Variants in TENM4 observed in about 807,000 individuals in gnomAD.
TENM4 encodes teneurin-4.
In TENM4, 82 loss-of-function variants were observed where a neutral mutation model predicts 243.3. The observed-to-expected ratio is 0.34, with a 90% CI of 0.28 to 0.40. The LOEUF is 0.40. Ranked by LOEUF, TENM4 falls within the 10% of genes least tolerant of loss-of-function variation. TENM4 has a pLI of 1.00. For synonymous variants in TENM4, 1,412 were observed against 1,456.3 expected (o/e 0.97, Z 0.69); for missense variants, 3,138 against 3,673.3 (o/e 0.85, Z 3.77).
chr11:79,352,984 C>G lies in TENM4; in HGVS notation c.-320-55441G>C, dbSNP rs568747467. Among the ~76,000 whole-genome samples, 21 of 152,192 alleles carry G rather than the reference C, an allele frequency of 1.4e-4. No homozygotes were observed. The South Asian group carries it at 4.4e-3, about 32-fold the overall frequency. On this transcript the variant is annotated intron_variant, in intron 1 of 33. Transcript: ENST00000278550. ...CAGAAAAATGACAGAGAGACACAGG[C>G]AGACGGATACCCTCATTGGCAAGGC... is the stretch of plus-strand genomic sequence containing the variant.
chr11:79,054,474 C>T (rs903809272), intron 6 of TENM4, among the ~76,000 whole-genome samples: 3 of 151,768 alleles, frequency 2.0e-5, no homozygotes, highest in Non-Finnish European at 2.9e-5. Context: ...TTAACATTCA[C>T]AAGGTCCAGG....
At chr11:78,901,755 T>C (rs1222311263) in intron 7 of TENM4, among the ~76,000 whole-genome samples, 1 of 152,162 alleles carries the variant, frequency 6.6e-6, no homozygotes, top group African/African-American at 2.4e-5. Context: ...ATTATCCTAC[T>C]CTGTTACTGA....
chr11:79,185,312 A>T (rs372658723), intron 3 of TENM4, among the ~76,000 whole-genome samples: 6 of 152,028 alleles, frequency 3.9e-5, no homozygotes, highest in African/African-American at 1.4e-4. Flanking sequence ...AAAAAACTAC[A>T]ACAACAACAA....
chr11:79,268,631 C>T (rs971933241), intron 2 of TENM4, among the ~76,000 whole-genome samples: 1 of 152,146 alleles, frequency 6.6e-6, no homozygotes, highest in African/African-American at 2.4e-5. Context: ...GTGGACCATG[C>T]ATAAAGAGGT....
chr11:79,058,484 C>G (rs373853074), intron 6 of TENM4, among the ~76,000 whole-genome samples: 130 of 150,182 alleles, frequency 8.7e-4, no homozygotes, highest in African/African-American at 3.0e-3. Flanking sequence ...GGCGGAGTTG[C>G]AGTGAGCTGA....
chr11:79,164,467 AGTG>A, intron 3 of TENM4, among the ~76,000 whole-genome samples: 1 of 129,332 alleles, frequency 7.7e-6, no homozygotes, highest in African/African-American at 3.1e-5. Context: ...GTATATATAT[AGTG>A]TATATATATA....
At chr11:79,397,090 A>C (rs1391007602) in intron 1 of TENM4, among the ~76,000 whole-genome samples, 1 of 152,158 alleles carries the variant, frequency 6.6e-6, no homozygotes, top group Non-Finnish European at 1.5e-5. Flanking sequence ...AAGTCACAGA[A>C]TTTGGCTTGA....
intron 9 of TENM4, among the ~76,000 whole-genome samples, chr11:78,888,938 G>C (rs11237648): frequency 0.016 from 2,372 of 152,296 alleles, 73 homozygotes; most frequent in African/African-American, 0.054. Context: ...GATTTATATA[G>C]AGGCAGCAGA....
In TENM4 at chr11:79,238,513, A is replaced by T. The variant is rs114952945; in HGVS notation, c.-264-22604T>A. ...TCCTGGTTCTCGAGCCTTTTGACTCAAACTGGGACATATTACACTGGCTCC... is the reference window on the plus strand; with the variant it reads ...TCCTGGTTCTCGAGCCTTTTGACTCTAACTGGGACATATTACACTGGCTCC... On this transcript the variant is annotated intron_variant, in intron 2 of 33. Coordinates refer to ENST00000278550, the MANE Select transcript of TENM4 (RefSeq NM_001098816.3). Among the ~76,000 whole-genome samples, 585 of 152,226 alleles carry T rather than the reference A, an allele frequency of 3.8e-3. 3 individuals are homozygous for T. Among genetic ancestry groups the T allele is most frequent in the African/African-American group, 0.013 (554 of 41,534 alleles).
intron 1 of TENM4, among the ~76,000 whole-genome samples, chr11:79,414,028 C>T (rs1858759006): frequency 6.6e-6 from 1 of 151,938 alleles, no homozygotes; most frequent in African/African-American, 2.4e-5. Context: ...GTAACAGAAA[C>T]ACAAGATACG....
Position 78,708,500 on chromosome 11 carries a change from T to C in TENM4, c.4070A>G (p.Lys1357Arg). 1 of 1,613,938 alleles carries C rather than the reference T, an allele frequency of 6.2e-7. No individual in the cohort carries two copies. The highest frequency in any genetic ancestry group is 1.1e-5 in the South Asian group (1 of 91,040). ...ATCCACGAAGTAGATCAGCCCAAAC[T>C]TGTCCACTGTAATGCCTGGGGGCAG... ...LTNPRGITVD[K>R]FGLIYFVDGT... Residue 1357 changes from lysine to arginine, a missense_variant, in exon 27 of 34, where the codon AAG becomes AGG. Lys to Arg is a conservative substitution (Grantham distance 26). Coordinates refer to ENST00000278550, the MANE Select transcript of TENM4 (RefSeq NM_001098816.3).
chr11:78,823,667 T>G (rs1390686576), intron 12 of TENM4, among the ~76,000 whole-genome samples: 1 of 151,736 alleles, frequency 6.6e-6, no homozygotes, highest in Non-Finnish European at 1.5e-5. Context: ...AGAGAATGAA[T>G]GAATGAAAGG....
chr11:79,066,659 AACATGC>A (rs776525581), intron 5 of TENM4, among the ~76,000 whole-genome samples: 4 of 150,538 alleles, frequency 2.7e-5, no homozygotes, highest in Admixed American at 6.6e-5. Context: ...CACACGTGCA[AACATGC>A]ACATGCACAC....
At position 78,688,091 on chromosome 11, in the gene TENM4, G is replaced by A. The variant is rs778369095; in HGVS notation, c.5223C>T (p.Asn1741=). 114 of 1,613,734 alleles carry A rather than the reference G, an allele frequency of 7.1e-5. No homozygotes were observed. The highest frequency in any genetic ancestry group is 4.2e-5 in the Non-Finnish European group (50 of 1,179,866). The change falls in exon 29 of 34, where the codon AAC becomes AAT. Residue 1741 remains asparagine (N), a synonymous_variant. Transcript: ENST00000278550. ...TGTAGAAGGCGCCTGAGGCAGACAG[G>A]TTGGTGGTTATGGTGACATCATCCT... ...SSKDDVTITT[N]LSASGAFYTL...
chr11:78,995,975 C>G (rs17137573), intron 6 of TENM4, among the ~76,000 whole-genome samples: 14 of 152,086 alleles, frequency 9.2e-5, no homozygotes, highest in Non-Finnish European at 1.8e-4. Context: ...AAACTGAGAT[C>G]GCTTATGTAA....
intron 1 of TENM4, among the ~76,000 whole-genome samples, chr11:79,301,528 T>A (rs1856548708): frequency 6.6e-6 from 1 of 152,078 alleles, no homozygotes; most frequent in Non-Finnish European, 1.5e-5. Context: ...TTTACTAGGG[T>A]TTCCTTTGCA....
At chr11:79,299,719 A>T (rs7941526) in intron 1 of TENM4, among the ~76,000 whole-genome samples, 2,469 of 152,332 alleles carry the variant, frequency 0.016, 65 homozygotes, top group African/African-American at 0.056. Flanking sequence ...ACCGCAAATG[A>T]GTATAAAATC....
At chr11:78,890,377 C>G (rs1855636107) in intron 8 of TENM4, among the ~76,000 whole-genome samples, 1 of 152,206 alleles carries the variant, frequency 6.6e-6, no homozygotes, top group Admixed American at 6.5e-5. Context: ...ACTTCCTATT[C>G]TCTAAAATTA....
At chr11:79,385,916 A>G (rs1420350360) in intron 1 of TENM4, among the ~76,000 whole-genome samples, 1 of 152,154 alleles carries the variant, frequency 6.6e-6, no homozygotes, top group Admixed American at 6.5e-5. Context: ...GACTTTGAGT[A>G]CCTGTTGTGT....
Sources: allele counts gnomAD v4.1 joint callset (sites outside exome capture counted in the v4.1 genomes callset), GRCh38; gene constraint gnomAD v4.1.1; transcripts MANE v1.5; gene names NCBI Gene and HGNC (gene_info 2026-07-23, HGNC 2026-07-21).